RERG: variants seen among roughly 807,000 people sequenced by gnomAD.
The protein encoded by RERG is ras-related and estrogen-regulated growth inhibitor.
RERG carries 25 observed loss-of-function variants against 23.2 expected under a neutral mutation model. The ratio of observed to expected loss-of-function variants is 1.08; its 90% CI spans 0.79 to 1.50. RERG has a LOEUF of 1.50. Ranked by LOEUF, RERG falls within the 40% of genes most tolerant of loss-of-function variation. RERG has a pLI of 0.00. For missense variants in RERG, 253 were observed against 250.1 expected (o/e 1.01, Z -0.08); for synonymous variants, 81 against 89.1 (o/e 0.91, Z 0.51).
At chr12:15,118,597 AG>A (rs1456618900) in intron 3 of RERG, among the ~76,000 whole-genome samples, 1 of 152,032 alleles carries the variant, frequency 6.6e-6, no homozygotes, top group Non-Finnish European at 1.5e-5. Context: ...GCCTGGTGGG[AG>A]GGGATTGGAG....
chr12:15,211,751 G>A (rs201784148), intron 2 of RERG, among the ~76,000 whole-genome samples: 1 of 152,076 alleles, frequency 6.6e-6, no homozygotes, highest in African/African-American at 2.4e-5. Context: ...TGATCATTCC[G>A]TAATGCATAT....
At chr12:15,187,848 C>T (rs760484580) in intron 2 of RERG, among the ~76,000 whole-genome samples, 21 of 151,978 alleles carry the variant, frequency 1.4e-4, no homozygotes, top group East Asian at 3.9e-4. Context: ...TGTGAACCAC[C>T]GTGCCTGGCT....
chr12:15,182,721 TAAC>T (rs1285812759), intron 2 of RERG, among the ~76,000 whole-genome samples: 1 of 152,144 alleles, frequency 6.6e-6, no homozygotes, highest in Non-Finnish European at 1.5e-5. Flanking sequence ...TATTCTGACT[TAAC>T]AATAATAATT....
intron 2 of RERG, among the ~76,000 whole-genome samples, chr12:15,151,266 A>G (rs1864437270): frequency 1.3e-5 from 2 of 152,232 alleles, no homozygotes; most frequent in Admixed American, 6.5e-5. Context: ...CGGTAAGTCA[A>G]TAAGAACCAC....
chr12:15,141,066 A>T (rs1316905522), intron 2 of RERG, among the ~76,000 whole-genome samples: 11 of 151,710 alleles, frequency 7.3e-5, no homozygotes, highest in Non-Finnish European at 1.5e-5. Flanking sequence ...CAGTTCTTAG[A>T]TACCCAGTGT....
At chr12:15,148,623 T>C (rs1864374337) in intron 2 of RERG, among the ~76,000 whole-genome samples, 1 of 152,148 alleles carries the variant, frequency 6.6e-6, no homozygotes, top group African/African-American at 2.4e-5. Flanking sequence ...AATAAGCCGC[T>C]GATACCAAGC....
chr12:15,212,725 A>C (rs903679707), intron 2 of RERG, among the ~76,000 whole-genome samples: 1 of 152,166 alleles, frequency 6.6e-6, no homozygotes, highest in Non-Finnish European at 1.5e-5. Flanking sequence ...CCAAGATGCG[A>C]CTGAGGTTTC....
At chr12:15,148,556 G>A (rs575215645) in intron 2 of RERG, among the ~76,000 whole-genome samples, 20 of 152,150 alleles carry the variant, frequency 1.3e-4, no homozygotes, top group Non-Finnish European at 2.6e-4. Context: ...TGTAAGCATA[G>A]GAAACTTTAA....
At chr12:15,176,483 TGCAGGACATAC>T (rs1332747484) in intron 2 of RERG, among the ~76,000 whole-genome samples, 3 of 152,170 alleles carry the variant, frequency 2.0e-5, no homozygotes, top group Non-Finnish European at 4.4e-5. Context: ...ATCAGATCTT[TGCAGGACATAC>T]GAGGGCTTTC....
At chr12:15,155,173 GT>G (rs1412658694) in intron 2 of RERG, 1 of 152,110 alleles carries the variant, frequency 6.6e-6, no homozygotes, top group African/African-American at 2.4e-5. Flanking sequence ...ACACCACTGT[GT>G]TTTTTCATCT....
chr12:15,132,897 G>T (rs1864074014), intron 2 of RERG, among the ~76,000 whole-genome samples: 1 of 151,766 alleles, frequency 6.6e-6, no homozygotes, highest in Admixed American at 6.6e-5. Flanking sequence ...AATGAGACGT[G>T]ATTTTTTACA....
intron 2 of RERG, among the ~76,000 whole-genome samples, chr12:15,213,781 G>A (rs900717932): frequency 7.9e-5 from 12 of 152,172 alleles, no homozygotes; most frequent in African/African-American, 2.6e-4. Flanking sequence ...AAATATAGAC[G>A]GCCTATCTAT....
chr12:15,205,325 C>T (rs1427259356), intron 2 of RERG, among the ~76,000 whole-genome samples: 1 of 151,960 alleles, frequency 6.6e-6, no homozygotes, highest in Non-Finnish European at 1.5e-5. Flanking sequence ...GTAGGATTTT[C>T]ACAAATATTT....
chr12:15,205,367 G>A (rs762626287), intron 2 of RERG, among the ~76,000 whole-genome samples: 18 of 151,992 alleles, frequency 1.2e-4, no homozygotes, highest in East Asian at 1.9e-4. Context: ...CTAAGAAATC[G>A]TGGGTTAAAT....
intron 2 of RERG, among the ~76,000 whole-genome samples, chr12:15,178,316 C>T (rs1484224269): frequency 6.6e-6 from 1 of 152,062 alleles, no homozygotes. Flanking sequence ...AGTTTTTCTA[C>T]AATATTCATT....
intron 1 of RERG, among the ~76,000 whole-genome samples, chr12:15,220,677 C>A (rs981908127): frequency 6.6e-6 from 1 of 152,112 alleles, no homozygotes; most frequent in Non-Finnish European, 1.5e-5. Context: ...TGTTTGCATG[C>A]GCTCATCAAA....
intron 1 of RERG, among the ~76,000 whole-genome samples, chr12:15,218,735 C>T (rs910564786): frequency 1.3e-5 from 2 of 151,924 alleles, no homozygotes; most frequent in African/African-American, 4.8e-5. Flanking sequence ...ACCCTTTGCT[C>T]CATCCTAGGC....
At position 15,220,919 on chromosome 12, in the gene RERG, A is replaced by G. The variant is rs545917420; in HGVS notation, c.-115+276T>C. On this transcript the variant is annotated intron_variant, in intron 1 of 4. Transcript: ENST00000256953. ...AACTCAACAGGTATCTTGCAAGAAT[A>G]AACAAATCCATTGTGGACTGCAAGT... Among the ~76,000 whole-genome samples the G allele has an allele frequency of 3.3e-5, 5 of 152,358 alleles. No homozygotes were observed. In the East Asian group the frequency reaches 9.6e-4, roughly 29 times the overall value.
At chr12:15,209,511 T>G (rs1865338190) in intron 2 of RERG, among the ~76,000 whole-genome samples, 1 of 143,814 alleles carries the variant, frequency 7.0e-6, no homozygotes, top group Admixed American at 6.7e-5. Flanking sequence ...ATTCATCAGT[T>G]TTTTTTTTTA....
Sources: allele counts gnomAD v4.1 joint callset (sites outside exome capture counted in the v4.1 genomes callset), GRCh38; gene constraint gnomAD v4.1.1; transcripts MANE v1.5; gene names NCBI Gene and HGNC (gene_info 2026-07-23, HGNC 2026-07-21).